FRMD3: variants seen among roughly 807,000 people sequenced by gnomAD.
The protein encoded by FRMD3 is FERM domain containing 3.
In FRMD3, 33 loss-of-function variants were observed where a neutral mutation model predicts 70.2. That is an observed-to-expected ratio of 0.47 (90% confidence interval 0.36 to 0.63). The LOEUF is 0.63. Among genes scored for constraint, FRMD3 ranks in the 20% least tolerant of loss-of-function variants. The pLI, the probability that FRMD3 is intolerant of heterozygous loss-of-function variation, is 0.00. For missense variants in FRMD3, 632 were observed against 711.4 expected, an observed-to-expected ratio of 0.89 and a Z score of 1.27; for synonymous variants, 279 against 255.9, an observed-to-expected ratio of 1.09 and a Z score of -0.86.
intron 4 of FRMD3, among the ~76,000 whole-genome samples, chr9:83,346,201 A>G (rs1361033864): frequency 6.8e-6 from 1 of 147,734 alleles, no homozygotes; most frequent in Non-Finnish European, 1.5e-5. Context: ...AGCTGCAATG[A>G]GCAGAGATCA....
intron 13 of FRMD3, among the ~76,000 whole-genome samples, chr9:83,271,705 G>A (rs957924476): frequency 6.6e-6 from 1 of 152,298 alleles, no homozygotes; most frequent in South Asian, 2.1e-4. Context: ...TTCCTCTTAT[G>A]ATTTCCCATA....
At chr9:83,468,671 G>A (rs924073059) in intron 1 of FRMD3, among the ~76,000 whole-genome samples, 2 of 152,190 alleles carry the variant, frequency 1.3e-5, no homozygotes, top group Non-Finnish European at 2.9e-5. Flanking sequence ...TTTGAGGCTT[G>A]GTAAGTTGCT....
the FRMD3 span, among the ~76,000 whole-genome samples, chr9:83,545,348 T>TTTTTTTGG: frequency 2.4e-5 from 3 of 125,990 alleles, no homozygotes; most frequent in African/African-American, 2.9e-5. Flanking sequence ...AAAGTGTTGT[T>TTTTTTTGG]TTTTTTTGTT....
At chr9:83,572,866 T>C in the FRMD3 span, among the ~76,000 whole-genome samples, 1 of 152,192 alleles carries the variant, frequency 6.6e-6, no homozygotes, top group Admixed American at 6.5e-5. Flanking sequence ...TATGAAATAT[T>C]CAATAAAAAA....
chr9:83,445,443 T>C (rs540676763), intron 1 of FRMD3, among the ~76,000 whole-genome samples: 1 of 152,168 alleles, frequency 6.6e-6, no homozygotes, highest in Non-Finnish European at 1.5e-5. Context: ...ATCCAGAAGA[T>C]ATGCTCCAAA....
intron 10 of FRMD3, among the ~76,000 whole-genome samples, chr9:83,299,801 A>T (rs376891481): frequency 3.3e-5 from 5 of 152,244 alleles, no homozygotes; most frequent in East Asian, 3.8e-4. Context: ...TACACGAGGC[A>T]GAAGCTGCCC....
intron 13 of FRMD3, among the ~76,000 whole-genome samples, chr9:83,257,282 A>G (rs148139527): frequency 0.014 from 2,144 of 152,302 alleles, 23 homozygotes; most frequent in East Asian, 0.047. Flanking sequence ...CAGAAAACCA[A>G]ACACTGCATG....
chr9:83,452,672 C>T lies in FRMD3; in HGVS notation c.148-62964G>A, dbSNP rs189920759. On this transcript the variant is annotated intron_variant, in intron 1 of 13. Transcript: ENST00000304195. The stretch of plus-strand genomic sequence containing the variant: ...AATTTTTTTGTATTTTTAGTAGAGA[C>T]GGGGTTTCACCGTGTTAGCCAGGAT... 4.7e-3 allele frequency among the ~76,000 whole-genome samples: 719 copies of T among 151,850 alleles called. 3 individuals are homozygous for T. Among genetic ancestry groups the T allele is most frequent in the African/African-American group, 0.016 (681 of 41,472 alleles).
At chr9:83,460,238 G>T (rs1326201638) in intron 1 of FRMD3, among the ~76,000 whole-genome samples, 2 of 151,956 alleles carry the variant, frequency 1.3e-5, no homozygotes, top group Non-Finnish European at 2.9e-5. Flanking sequence ...TGCACATAAG[G>T]CTTCTTCTTG....
intron 6 of FRMD3, among the ~76,000 whole-genome samples, chr9:83,317,893 C>T (rs942165353): frequency 3.3e-5 from 5 of 151,784 alleles, no homozygotes; most frequent in African/African-American, 1.2e-4. Flanking sequence ...ACACGTACAA[C>T]CAAAAAAGGA....
chr9:83,363,154 G>A (rs546377766), intron 3 of FRMD3, among the ~76,000 whole-genome samples: 13 of 152,202 alleles, frequency 8.5e-5, no homozygotes, highest in East Asian at 1.9e-4. Context: ...AATAAAATGC[G>A]AAAGCCTCAT....
intron 1 of FRMD3, among the ~76,000 whole-genome samples, chr9:83,503,806 A>G (rs1308779787): frequency 6.6e-6 from 1 of 152,254 alleles, no homozygotes; most frequent in Non-Finnish European, 1.5e-5. Flanking sequence ...AGATGAGTCC[A>G]GATTCAGAGA....
intron 12 of FRMD3, among the ~76,000 whole-genome samples, chr9:83,292,459 C>T (rs1009980213): frequency 2.0e-5 from 3 of 151,894 alleles, no homozygotes; most frequent in Admixed American, 1.3e-4. Flanking sequence ...TACGCCCAGC[C>T]CCAAGAAACA....
intron 1 of FRMD3, among the ~76,000 whole-genome samples, chr9:83,422,833 G>A (rs12344574): frequency 1.8e-4 from 28 of 152,130 alleles, no homozygotes; most frequent in African/African-American, 6.0e-4. Context: ...ATGAAGAGGC[G>A]AAAAATAAAG....
At chr9:83,385,294 ACT>A in intron 2 of FRMD3, among the ~76,000 whole-genome samples, 1 of 152,064 alleles carries the variant, frequency 6.6e-6, no homozygotes, top group Non-Finnish European at 1.5e-5. Context: ...AATACCACCC[ACT>A]TTTTCCCTAA....
chr9:83,323,943 T>C (rs897661187), intron 6 of FRMD3, among the ~76,000 whole-genome samples: 1 of 152,218 alleles, frequency 6.6e-6, no homozygotes, highest in African/African-American at 2.4e-5. Context: ...CTTAGGCTTG[T>C]ACTTACACTA....
At chr9:83,389,473 C>T in intron 2 of FRMD3, 131 bp downstream of exon 2, 1 of 662,950 alleles carries the variant, frequency 1.5e-6, no homozygotes, top group Middle Eastern at 4.0e-4. Flanking sequence ...CTCTTCTGCT[C>T]ACACAGGGTT....
chr9:83,494,569 T>A (rs1423760694), intron 1 of FRMD3, among the ~76,000 whole-genome samples: 1 of 152,184 alleles, frequency 6.6e-6, no homozygotes, highest in Non-Finnish European at 1.5e-5. Context: ...ATTATTTTCT[T>A]TACAATAGTG....
At chr9:83,444,073 A>G (rs1486546383) in intron 1 of FRMD3, among the ~76,000 whole-genome samples, 4 of 152,266 alleles carry the variant, frequency 2.6e-5, no homozygotes, top group Admixed American at 6.5e-5. Context: ...CAGAAAAAAC[A>G]TCTACTTCAC....
Sources: allele counts gnomAD v4.1 joint callset (sites outside exome capture counted in the v4.1 genomes callset), GRCh38; gene constraint gnomAD v4.1.1; transcripts MANE v1.5; gene names NCBI Gene and HGNC (gene_info 2026-07-23, HGNC 2026-07-21).